The following GINS1 variants were observed in gnomAD, a reference collection of about 807,000 sequenced individuals.
GINS1 encodes GINS complex subunit 1.
Under a neutral mutation model 34.9 loss-of-function variants are expected in GINS1, and 26 were observed. That is an observed-to-expected ratio of 0.74 (90% CI 0.55 to 1.03). The LOEUF (loss-of-function observed/expected upper bound fraction) is 1.03, where lower values mean the gene tolerates loss of function less well. Ranked by LOEUF, GINS1 falls within the 50% of genes least tolerant of loss-of-function variation. GINS1 has a pLI of 0.00. For synonymous variants in GINS1, 97 were observed against 84.4 expected (o/e 1.15, Z -0.82); for missense variants, 235 against 237.9 (o/e 0.99, Z 0.08).
chr20:25,432,670 T>C (rs2090433875), intron 5 of GINS1, among the ~76,000 whole-genome samples: 1 of 151,996 alleles, frequency 6.6e-6, no homozygotes, highest in African/African-American at 2.4e-5. Flanking sequence ...TTTCGCCATG[T>C]TGGCCAGGCT....
chr20:25,411,837 G>A (rs908254393), intron 1 of GINS1, among the ~76,000 whole-genome samples: 3 of 152,064 alleles, frequency 2.0e-5, no homozygotes, highest in Admixed American at 6.5e-5. Flanking sequence ...CTACTTGAGA[G>A]GCTAAGGCAG....
At chr20:25,408,406 TCA>T in intron 1 of GINS1, among the ~76,000 whole-genome samples, 1 of 152,350 alleles carries the variant, frequency 6.6e-6, no homozygotes, top group South Asian at 2.1e-4. Context: ...TGCATATGCC[TCA>T]CATACAGTAA....
rs1600923621 is a variant in GINS1 at position 25,418,127 on chromosome 20, A to G, written c.262A>G (p.Arg88Gly). ...TAGGTATGACCGCTTGCTTCGGATC[A>G]GAGCACTCAGATGGGAATATGGTAG... ...AYLYDRLLRI[R>G]ALRWEYGSVL... Residue 88 changes from arginine (R) to glycine (G), a missense_variant, in exon 4 of 7, where the codon AGA becomes GGA. Transcript: ENST00000262460. The G allele has an allele frequency of 6.2e-7, 1 of 1,601,664 alleles. No homozygotes were observed. Among genetic ancestry groups the G allele is most frequent in the Non-Finnish European group, 8.6e-7 (1 of 1,168,464 alleles).
rs143681731 is a variant in GINS1 at position 25,415,721 on chromosome 20, C to T, written c.141-1383C>T. Among the ~76,000 whole-genome samples the T allele has an allele frequency of 1.2e-3, 184 of 150,768 alleles. 1 individual carries two copies. The highest frequency in any genetic ancestry group is 4.2e-3 in the African/African-American group (173 of 41,010). On this transcript the variant is annotated intron_variant, in intron 2 of 6. Coordinates refer to ENST00000262460, the MANE Select transcript of GINS1 (RefSeq NM_021067.5). ...AAAAAAAAAAGATGCCTGTCCCTGGCGCTCACTGTCTAGTGCAGAAGACAG... is the reference window on the plus strand; with the variant it reads ...AAAAAAAAAAGATGCCTGTCCCTGGTGCTCACTGTCTAGTGCAGAAGACAG...
At chr20:25,417,927 G>A (rs1700759446) in intron 3 of GINS1, among the ~76,000 whole-genome samples, 178 bp from the exon 4 acceptor site, 1 of 152,220 alleles carries the variant, frequency 6.6e-6, no homozygotes, top group Non-Finnish European at 1.5e-5. Context: ...CTGTGCTGCT[G>A]TCACACGTGG....
At chr20:25,409,885 C>T (rs191943248) in intron 1 of GINS1, among the ~76,000 whole-genome samples, 5 of 152,316 alleles carry the variant, frequency 3.3e-5, no homozygotes, top group African/African-American at 9.6e-5. Context: ...GGTCATTGTA[C>T]ATATCAGGAC....
chr20:25,430,070 G>A (rs769141071), intron 5 of GINS1, among the ~76,000 whole-genome samples: 1 of 152,220 alleles, frequency 6.6e-6, no homozygotes, highest in Non-Finnish European at 1.5e-5. Flanking sequence ...ATGCCATCAC[G>A]CCCAGCTAAT....
At chr20:25,409,081 G>A (rs762165146) in intron 1 of GINS1, 46 of 967,724 alleles carry the variant, frequency 4.8e-5, no homozygotes, top group Non-Finnish European at 5.2e-5. Context: ...AGGAAGCGAG[G>A]CATCCCAGCC....
intron 5 of GINS1, among the ~76,000 whole-genome samples, chr20:25,430,405 C>T (rs2090420439): frequency 6.6e-6 from 1 of 152,114 alleles, no homozygotes; most frequent in Non-Finnish European, 1.5e-5. Flanking sequence ...CTGTTAATGA[C>T]TTATATTGAT....
At chr20:25,432,835 TTA>T (rs1377534813) in intron 5 of GINS1, among the ~76,000 whole-genome samples, 1 of 148,744 alleles carries the variant, frequency 6.7e-6, no homozygotes, top group African/African-American at 2.4e-5. Context: ...TTATCATATA[TTA>T]TGTTATATAG....
chr20:25,409,580 T>A (rs764298651), intron 1 of GINS1, among the ~76,000 whole-genome samples: 6 of 152,076 alleles, frequency 3.9e-5, no homozygotes, highest in Non-Finnish European at 7.4e-5. Flanking sequence ...AGGTAATGAG[T>A]TTTGTTTTGA....
intron 4 of GINS1, among the ~76,000 whole-genome samples, chr20:25,422,819 C>T (rs1301892293): frequency 6.6e-6 from 1 of 152,138 alleles, no homozygotes; most frequent in East Asian, 1.9e-4. Context: ...TCTTGTTGCC[C>T]AGGCTGGAGT....
chr20:25,429,047 GGT>G (rs1229003883), intron 5 of GINS1, among the ~76,000 whole-genome samples: 3 of 132,440 alleles, frequency 2.3e-5, no homozygotes, highest in Non-Finnish European at 4.7e-5. Flanking sequence ...GGAGTACAGT[GGT>G]GCACTCTTGG....
chr20:25,410,495 C>A (rs536639670), intron 1 of GINS1, among the ~76,000 whole-genome samples: 1 of 152,138 alleles, frequency 6.6e-6, no homozygotes, highest in Non-Finnish European at 1.5e-5. Flanking sequence ...GGCTGGCCTC[C>A]GACTCAGCGG....
chr20:25,408,002 C>T, intron 1 of GINS1, 107 bp downstream of exon 1: 1 of 774,452 alleles, frequency 1.3e-6, no homozygotes. Flanking sequence ...TCCCTCCGAG[C>T]TCCGGAAAAC....
chr20:25,440,691 A>T (rs1462267959), intron 5 of GINS1, among the ~76,000 whole-genome samples: 1 of 151,704 alleles, frequency 6.6e-6, no homozygotes. Flanking sequence ...AGCGCCTGTA[A>T]TCCCAGCTAC....
At chr20:25,431,223 C>A (rs2090425234) in intron 5 of GINS1, among the ~76,000 whole-genome samples, 2 of 152,046 alleles carry the variant, frequency 1.3e-5, no homozygotes, top group African/African-American at 4.8e-5. Context: ...TCTTAGAACT[C>A]TTTTTATTTC....
chr20:25,434,724 C>T (rs1181601646), intron 5 of GINS1, among the ~76,000 whole-genome samples: 3 of 152,188 alleles, frequency 2.0e-5, no homozygotes, highest in Non-Finnish European at 4.4e-5. Context: ...GGATTATAGG[C>T]TTGAGCCACT....
At chr20:25,422,129 G>C (rs776750604) in intron 4 of GINS1, among the ~76,000 whole-genome samples, 1 of 152,224 alleles carries the variant, frequency 6.6e-6, no homozygotes, top group African/African-American at 2.4e-5. Context: ...AGAAAACGAA[G>C]ATGTACAGCC....
Sources: gnomAD v4.1 joint callset for allele counts (sites outside exome capture counted in the v4.1 genomes callset) on GRCh38, gnomAD v4.1.1 for gene constraint, MANE v1.5 for transcripts, NCBI Gene and HGNC (gene_info 2026-07-23, HGNC 2026-07-21) for gene names.